Variants in ARMH1 observed in about 807,000 individuals in gnomAD.
ARMH1 encodes armadillo-like helical domain containing protein 1.
A neutral mutation model predicts 50.2 loss-of-function variants in ARMH1; 34 were observed. The ratio of observed to expected loss-of-function variants is 0.68; its 90% confidence interval spans 0.51 to 0.90. ARMH1 has a LOEUF of 0.90. ARMH1 is among the 40% of genes least tolerant of loss of function. ARMH1 has a pLI of 0.00. For missense variants in ARMH1, 538 were observed against 553.9 expected (o/e 0.97, Z 0.29); for synonymous variants, 221 against 224.2 (o/e 0.99, Z 0.13).
chr1:44,715,912 C>A (rs1465109470), intron 6 of ARMH1, among the ~76,000 whole-genome samples: 1 of 152,226 alleles, frequency 6.6e-6, no homozygotes, highest in Non-Finnish European at 1.5e-5. Flanking sequence ...CTGCACCTAG[C>A]ACGTGCTCAA....
intron 2 of ARMH1, among the ~76,000 whole-genome samples, chr1:44,691,560 C>T (rs950837224): frequency 1.3e-5 from 2 of 152,128 alleles, no homozygotes; most frequent in African/African-American, 4.8e-5. Flanking sequence ...TTCAGCCACC[C>T]CTTAAATGCT....
At chr1:44,690,856 T>C (rs907062382) in intron 2 of ARMH1, among the ~76,000 whole-genome samples, 25 of 152,124 alleles carry the variant, frequency 1.6e-4, no homozygotes, top group African/African-American at 6.0e-4. Context: ...TTTTTGTATT[T>C]TTAGTAGAGA....
chr1:44,690,087 AGG>A (rs1268995432), intron 2 of ARMH1, among the ~76,000 whole-genome samples, 184 bp downstream of exon 2: 2 of 152,102 alleles, frequency 1.3e-5, no homozygotes, highest in African/African-American at 4.8e-5. Flanking sequence ...GCGTGGTGGC[AGG>A]TGCCTGTAAC....
Position 44,725,507 on chromosome 1 carries a change from G to A in ARMH1, c.*104G>A, listed in dbSNP as rs151331348. On this transcript the variant is annotated 3_prime_UTR_variant, in exon 12 of 12. Coordinates refer to ENST00000535358, the MANE Select transcript of ARMH1 (RefSeq NM_001145636.2). ...TCAGAGCCACTCCACTTGGCTCCAG[G>A]GGGGAGACGGGGATTAGGCATCCCA... 3.1e-4 allele frequency: 356 copies of A among 1,142,012 alleles called. 5 individuals carry two copies. In the East Asian group the frequency reaches 8.8e-3, roughly 28 times the overall value. 70.7% of individuals were successfully genotyped at this position (1,142,012 alleles called of 1,614,324 possible).
At chr1:44,685,208 TC>T (rs906043668) in intron 1 of ARMH1, among the ~76,000 whole-genome samples, 22 of 152,242 alleles carry the variant, frequency 1.4e-4, no homozygotes, top group African/African-American at 5.3e-4. Context: ...CAGAAAGGTT[TC>T]AAAATCATCA....
At chr1:44,684,814 T>G (rs1410481867) in intron 1 of ARMH1, among the ~76,000 whole-genome samples, 1 of 152,156 alleles carries the variant, frequency 6.6e-6, no homozygotes, top group African/African-American at 2.4e-5. Context: ...CACAGGGACC[T>G]CAGGCAGGGC....
chr1:44,689,884 A>C lies in ARMH1; in HGVS notation c.187A>C (p.Thr63Pro), dbSNP rs1255525106. The change falls in exon 2 of 12, where the codon ACC becomes CCC. Residue 63 changes from threonine to proline, a missense_variant. Thr to Pro is a conservative substitution (Grantham distance 38, BLOSUM62 -1). Coordinates refer to ENST00000535358, the MANE Select transcript of ARMH1 (RefSeq NM_001145636.2). ...QGASLFLVRL[T>P]TSLRITYMTD... ...AGCCAGTTTGTTCCTGGTACGCTTG[A>C]CCACCTCGCTTAGAATCACGTATCC... The C allele has an allele frequency of 3.2e-6, 5 of 1,550,318 alleles. No homozygotes were observed. The highest frequency in any genetic ancestry group is 3.9e-5 in the Admixed American group (2 of 50,922).
Position 44,724,703 on chromosome 1 carries a change from C to T in ARMH1, c.1050+35C>T. On this transcript the variant is annotated intron_variant, in intron 9 of 11. Transcript: ENST00000535358. This position sits in a 1 kb window ranked among gnomAD's most constrained non-coding sequence, Gnocchi z 6.4. ...GCGGCTGGTTAGGGGGCGGGAAGGG[C>T]GGCGGCACCCGCAGCCCCGTCGCCC... 1 of 1,480,178 alleles carries T rather than the reference C, an allele frequency of 6.8e-7. No individual in the cohort carries two copies. Among genetic ancestry groups the T allele is most frequent in the Admixed American group, 2.5e-5 (1 of 40,076 alleles). The allele number at this position is 1,480,178 out of a possible 1,614,324, so 91.7% of individuals were successfully genotyped here. A position where few individuals can be genotyped will look rare whatever the true frequency, so the allele number is the denominator to read the frequency against.
intron 1 of ARMH1, among the ~76,000 whole-genome samples, chr1:44,677,116 A>G (rs1427422790): frequency 2.0e-5 from 3 of 152,204 alleles, no homozygotes; most frequent in African/African-American, 4.8e-5. Flanking sequence ...TATATCAGCC[A>G]GTGAGAGTGG....
At position 44,674,865 on chromosome 1, in the gene ARMH1, G is replaced by A. The variant is rs2148545955; in HGVS notation, c.-31G>A. On this transcript the variant is annotated 5_prime_UTR_variant, in exon 1 of 12. Transcript: ENST00000535358. ...CATCCTCTACCAGCCGCAACTGCGA[G>A]GGCTGGAGGTATAAAACCGTACAAA... The A allele has an allele frequency of 6.4e-6, 1 of 156,074 alleles. No individual in the cohort carries two copies. Among genetic ancestry groups the A allele is most frequent in the South Asian group, 1.7e-4 (1 of 5,718 alleles). 9.7% of individuals were successfully genotyped at this position (156,074 alleles called of 1,614,324 possible).
In ARMH1 at chr1:44,704,073, T is replaced by C. The variant is rs1355478303; in HGVS notation, c.640-16T>C. ...AAAAAAGACTAACCACCTTGTCCTG[T>C]TGTCTGTCTGGTCAGCCAATCATTG... On this transcript the variant is annotated splice_polypyrimidine_tract_variant and intron_variant, in intron 5 of 11. Transcript: ENST00000535358. The C allele has an allele frequency of 6.5e-7, 1 of 1,547,320 alleles. No individual in the cohort carries two copies. The highest frequency in any genetic ancestry group is 1.4e-5 in the African/African-American group (1 of 72,660).
chr1:44,723,361 A>G (rs558362114), intron 6 of ARMH1, among the ~76,000 whole-genome samples: 1 of 152,310 alleles, frequency 6.6e-6, no homozygotes, highest in South Asian at 2.1e-4. Context: ...AGGCGTTCAC[A>G]TGCAGCCGTG....
intron 2 of ARMH1, among the ~76,000 whole-genome samples, chr1:44,693,358 G>A (rs751000720): frequency 1.4e-4 from 22 of 152,182 alleles, no homozygotes; most frequent in Non-Finnish European, 2.5e-4. Flanking sequence ...TGGCCACAGG[G>A]TGAGATGAGT....
chr1:44,685,408 C>T (rs929080555), intron 1 of ARMH1, among the ~76,000 whole-genome samples: 4 of 150,008 alleles, frequency 2.7e-5, no homozygotes, highest in Non-Finnish European at 3.0e-5. Context: ...TGGTCTCATT[C>T]GATCTTCCCA....
At chr1:44,700,470 G>C (rs1264109680) in intron 4 of ARMH1, among the ~76,000 whole-genome samples, 2 of 151,832 alleles carry the variant, frequency 1.3e-5, no homozygotes, top group Non-Finnish European at 2.9e-5. Flanking sequence ...ACAAAAATTA[G>C]CCAGGCCTGG....
chr1:44,724,481 C>T lies in ARMH1; in HGVS notation c.921-58C>T, dbSNP rs1290434957. On this transcript the variant is annotated intron_variant, in intron 8 of 11. Coordinates refer to ENST00000535358, the MANE Select transcript of ARMH1 (RefSeq NM_001145636.2). This position sits in a 1 kb window ranked among gnomAD's most constrained non-coding sequence, Gnocchi z 6.4. Reference sequence around the variant, plus strand: ...GGGAGCGCTCCGTGCGCCGGGTGGGCGGGGGTGTGCGCCGGGTGAGCCCCA... The same window carrying T: ...GGGAGCGCTCCGTGCGCCGGGTGGGTGGGGGTGTGCGCCGGGTGAGCCCCA... The T allele has an allele frequency of 5.8e-5, 88 of 1,512,096 alleles. No individual in the cohort carries two copies. The Middle Eastern group carries it at 1.9e-3, about 32-fold the overall frequency. 93.7% of individuals were successfully genotyped at this position (1,512,096 alleles called of 1,614,324 possible).
chr1:44,697,964 G>A, intron 3 of ARMH1, 99 bp from the exon 4 acceptor site: 1 of 934,530 alleles, frequency 1.1e-6, no homozygotes, highest in Non-Finnish European at 1.5e-6. Flanking sequence ...GGATAGGAGG[G>A]CAAAGTATGT....
chr1:44,690,242 A>G (rs1463982314), intron 2 of ARMH1, among the ~76,000 whole-genome samples: 1 of 152,058 alleles, frequency 6.6e-6, no homozygotes, highest in East Asian at 1.9e-4. Flanking sequence ...AACAAAAATT[A>G]GGCAGCCTTC....
At chr1:44,721,799 C>G (rs149251871) in intron 6 of ARMH1, 1 of 151,394 alleles carries the variant, frequency 6.6e-6, no homozygotes, top group Non-Finnish European at 1.5e-5. Flanking sequence ...CTTGCCTAGG[C>G]AAGACTTCAA....
Sources: allele counts gnomAD v4.1 joint callset (sites outside exome capture counted in the v4.1 genomes callset), GRCh38; gene constraint gnomAD v4.1.1; non-coding constraint Gnocchi (gnomAD v3.1); transcripts MANE v1.5; gene names NCBI Gene and HGNC (gene_info 2026-07-23, HGNC 2026-07-21).